DQX1: variants seen among roughly 807,000 people sequenced by gnomAD.
The protein encoded by DQX1 is DEAQ-box RNA dependent ATPase 1, also known as ATP-dependent RNA helicase homolog DQX1.
DQX1 carries 66 observed loss-of-function variants against 81.3 expected under a neutral mutation model. The observed-to-expected ratio is 0.81, with a 90% CI of 0.67 to 1.00. DQX1 has a LOEUF of 1.00. Among genes scored for constraint, DQX1 ranks in the 50% least tolerant of loss-of-function variants. The pLI, the probability that DQX1 is intolerant of heterozygous loss-of-function variation, is 0.00. For missense variants in DQX1, 798 were observed against 867.9 expected, an observed-to-expected ratio of 0.92 and a Z score of 1.01; for synonymous variants, 290 against 350.0, an observed-to-expected ratio of 0.83 and a Z score of 1.91.
rs1675159113 is a variant in DQX1 at position 74,525,644 on chromosome 2, A to G, written c.86T>C (p.Leu29Pro). 1 of 1,551,668 alleles carries G rather than the reference A, an allele frequency of 6.4e-7. No individual in the cohort carries two copies. Among genetic ancestry groups the G allele is most frequent in the South Asian group, 1.2e-5 (1 of 84,074 alleles). Residue 29 changes from leucine (L) to proline (P), a missense_variant, in exon 2 of 12, where the codon CTT (leucine) becomes CCT (proline). Coordinates refer to ENST00000404568, the MANE Select transcript of DQX1 (RefSeq NM_133637.3). This position sits in a 1 kb window ranked among gnomAD's most constrained non-coding sequence, Gnocchi z 4.1. ...CTCATAGTAGCGGGAAGAGAAGGGA[A>G]GCCCATCAAAGGGGTTCACAGCCAG... ...SELAVNPFDG[L>P]PFSSRYYELL...
In DQX1 at chr2:74,525,452, C is replaced by G. The variant is rs1197686056; in HGVS notation, c.237+41G>C. 4 of 1,538,762 alleles carry G rather than the reference C, an allele frequency of 2.6e-6. No homozygotes were observed. Among genetic ancestry groups the G allele is most frequent in the Non-Finnish European group, 2.6e-6 (3 of 1,137,358 alleles). On this transcript the variant is annotated intron_variant, in intron 2 of 11. Coordinates refer to ENST00000404568, the MANE Select transcript of DQX1 (RefSeq NM_133637.3). This position sits in a 1 kb window ranked among gnomAD's most constrained non-coding sequence, Gnocchi z 4.1. The stretch of plus-strand genomic sequence containing the variant: ...TGTCCTCCCTTTGTCCTCCCTTTGT[C>G]CACTCCCAGAATCTGCCTGCCCCCA...
rs757271370 is a variant in DQX1, at chr2:74,519,127, G to T, written c.1910C>A (p.Ala637Asp). 4.3e-6 allele frequency: 7 copies of T among 1,613,286 alleles called. No individual in the cohort carries two copies. The highest frequency in any genetic ancestry group is 5.9e-6 in the Non-Finnish European group (7 of 1,179,664). Reference sequence around the variant, plus strand: ...GTAGAGCACCCATGGTGGGGGTCTGGCAGGAGCTCTGCGGCTTCGGTAGCA... The same window carrying T: ...GTAGAGCACCCATGGTGGGGGTCTGTCAGGAGCTCTGCGGCTTCGGTAGCA... ...YCCYRSRRAP[A>D]RPPPWVLYHN... Residue 637 changes from alanine (A) to aspartate (D), a missense_variant, in exon 11 of 12, where the codon GCC (alanine) becomes GAC (aspartate). Ala to Asp is a moderately radical substitution (Grantham distance 126, BLOSUM62 -2). Coordinates refer to ENST00000404568, the MANE Select transcript of DQX1 (RefSeq NM_133637.3).
At chr2:74,521,656 AAAAAAAAGAAAAAG>A (rs1340318214) in intron 8 of DQX1, among the ~76,000 whole-genome samples, 7 of 151,178 alleles carry the variant, frequency 4.6e-5, no homozygotes, top group African/African-American at 1.7e-4. Context: ...TCTGAAAAAA[AAAAAAAAGAAAAAG>A]AAAAAAAGAA....
rs1393331537 is a variant in DQX1, at chr2:74,525,015, A to AGGGTGTTG, written c.417_424dup (p.Leu142ProfsTer31). Reference sequence around the variant, plus strand: ...GGCCTGCAGAGGCCCCCACCTGAGCAGGGTGTTGGGCCCCGTGCAGTCCTC... The same window carrying AGGGTGTTG: ...GGCCTGCAGAGGCCCCCACCTGAGCAGGGTGTTGGGGTGTTGGGCCCCGTGCAGTCCTC... On this transcript the variant is annotated frameshift_variant, in exon 3 of 12. Transcript: ENST00000404568. LOFTEE classifies it high-confidence loss of function. This position sits in a 1 kb window ranked among gnomAD's most constrained non-coding sequence, Gnocchi z 4.1. 1.9e-6 allele frequency: 3 copies of AGGGTGTTG among 1,613,246 alleles called. No individual in the cohort carries two copies.
chr2:74,523,519 C>T lies in DQX1; in HGVS notation c.835G>A (p.Glu279Lys). 1 of 1,613,130 alleles carries T rather than the reference C, an allele frequency of 6.2e-7. No individual in the cohort carries two copies. Among genetic ancestry groups the T allele is most frequent in the Non-Finnish European group, 8.5e-7 (1 of 1,179,518 alleles). The change falls in exon 5 of 12, where the codon GAA (glutamate) becomes AAA (lysine). Residue 279 changes from glutamate to lysine, a missense_variant. By Grantham distance (56) the Glu-to-Lys change is moderately conservative. Coordinates refer to ENST00000404568, the MANE Select transcript of DQX1 (RefSeq NM_133637.3). ...GACTCTACCTCCCTGGACAAGGATT[C>T]ACAGCACAGGGAAATTTCCTGAGAA... ...PSEEEISLCC[E>K]SLSREVESLL...
At position 74,523,248 on chromosome 2, in the gene DQX1, ACAGAT is replaced by A. The variant is rs1349228278; in HGVS notation, c.1045-35_1045-31del. The A allele has an allele frequency of 1.9e-6, 3 of 1,614,066 alleles. No individual in the cohort carries two copies. The East Asian group carries it at 6.7e-5, about 36-fold the overall frequency. ...TGCCCGTCCCCCAACCAAGGCCAAG[ACAGAT>A]CAGAGTGGGCCATTTCTGTCTTTAC... On this transcript the variant is annotated intron_variant, in intron 5 of 11. Transcript: ENST00000404568.
intron 5 of DQX1, 38 bp from the exon 6 acceptor site, chr2:74,523,256 G>C (rs1675082855): frequency 6.2e-7 from 1 of 1,614,068 alleles, no homozygotes. Flanking sequence ...AGACAGATCA[G>C]AGTGGGCCAT....
Position 74,518,404 on chromosome 2 carries a change from A to T in DQX1, c.*42T>A. Reference sequence around the variant, plus strand: ...TGGTGTCACCCTGAGGGATAATCTAATGTGATGAGATGAACCCAGCTCCAT... The same window carrying T: ...TGGTGTCACCCTGAGGGATAATCTATTGTGATGAGATGAACCCAGCTCCAT... On this transcript the variant is annotated 3_prime_UTR_variant, in exon 12 of 12. Coordinates refer to ENST00000404568, the MANE Select transcript of DQX1 (RefSeq NM_133637.3). The T allele has an allele frequency of 3.7e-6, 6 of 1,607,106 alleles. No individual in the cohort carries two copies. Among genetic ancestry groups the T allele is most frequent in the Non-Finnish European group, 4.3e-6 (5 of 1,175,226 alleles).
At position 74,519,590 on chromosome 2, in the gene DQX1, A is replaced by G. The variant is rs1218921110; in HGVS notation, c.1772T>C (p.Leu591Pro). 1 of 1,614,176 alleles carries G rather than the reference A, an allele frequency of 6.2e-7. No individual in the cohort carries two copies. Among genetic ancestry groups the G allele is most frequent in the Non-Finnish European group, 8.5e-7 (1 of 1,180,042 alleles). ...GTATCCTGACACCAGTGCTTTCTGA[A>G]GGTCTCTGCGATTCTGCTCAGAGCC... is the stretch of plus-strand genomic sequence containing the variant. ...AFGSEQNRRD[L>P]QKALVSGYFL... Residue 591 changes from leucine to proline, a missense_variant, in exon 10 of 12, where the codon CTT becomes CCT. Coordinates refer to ENST00000404568, the MANE Select transcript of DQX1 (RefSeq NM_133637.3).
chr2:74,519,951 T>C lies in DQX1; in HGVS notation c.1579A>G (p.Ser527Gly). The change falls in exon 9 of 12, where the codon AGT becomes GGT. Residue 527 changes from serine (S) to glycine (G), a missense_variant. By Grantham distance (56) the Ser-to-Gly change is moderately conservative (BLOSUM62 0). Transcript: ENST00000404568. Reference protein sequence around the residue: ...RALEHTDGDHSSLIQVYEAFI... With the variant: ...RALEHTDGDHGSLIQVYEAFI... Reference sequence around the variant, plus strand: ...GCTTCATACACCTGGATCAGAGAACTGTGGTCACCATCCGTGTGTTCCAGG... The same window carrying C: ...GCTTCATACACCTGGATCAGAGAACCGTGGTCACCATCCGTGTGTTCCAGG... 1 of 1,614,234 alleles carries C rather than the reference T, an allele frequency of 6.2e-7. No individual in the cohort carries two copies. Among genetic ancestry groups the C allele is most frequent in the African/African-American group, 1.3e-5 (1 of 75,078 alleles).
chr2:74,522,624 A>G lies in DQX1; in HGVS notation c.1451T>C (p.Phe484Ser), dbSNP rs1675057431. The change falls in exon 8 of 12, where the codon TTT becomes TCT. Residue 484 changes from phenylalanine to serine, a missense_variant. Physicochemically the swap from Phe to Ser is radical, Grantham distance 155 (BLOSUM62 -2). Coordinates refer to ENST00000404568, the MANE Select transcript of DQX1 (RefSeq NM_133637.3). ...GGTGAGCATCTCGTCCACACAGTCA[A>G]ACTCGCATGAGGCCAGCAGGGCTTT... ...LAKALLASCE[F>S]DCVDEMLTLA... 4 of 1,614,064 alleles carry G rather than the reference A, an allele frequency of 2.5e-6. No homozygotes were observed. The highest frequency in any genetic ancestry group is 2.7e-5 in the African/African-American group (2 of 74,926).
intron 11 of DQX1, 48 bp from the exon 12 acceptor site, chr2:74,518,650 G>C (rs1572982868): frequency 6.3e-7 from 1 of 1,579,430 alleles, no homozygotes; most frequent in South Asian, 1.1e-5. Context: ...CTCTCTCTCT[G>C]TCTCTCTCTT....
intron 8 of DQX1, among the ~76,000 whole-genome samples, chr2:74,521,102 C>T (rs1236166147): frequency 6.6e-6 from 1 of 152,136 alleles, no homozygotes; most frequent in Non-Finnish European, 1.5e-5. Context: ...CTACCGTATT[C>T]ACTGGAAGTG....
intron 6 of DQX1, 33 bp downstream of exon 6, chr2:74,523,086 G>A (rs1240001674): frequency 2.5e-6 from 4 of 1,614,108 alleles, no homozygotes; most frequent in Non-Finnish European, 3.4e-6. Flanking sequence ...TGACTCTTGG[G>A]TTTTTTATTT....
chr2:74,518,644 C>A, intron 11 of DQX1, 42 bp from the exon 12 acceptor site: 1 of 1,585,804 alleles, frequency 6.3e-7, no homozygotes, highest in East Asian at 2.2e-5. Context: ...CATCTTCTCT[C>A]TCTCTGTCTC....
At chr2:74,522,046 G>C (rs761685837) in intron 8 of DQX1, among the ~76,000 whole-genome samples, 1 of 152,180 alleles carries the variant, frequency 6.6e-6, no homozygotes, top group Non-Finnish European at 1.5e-5. Flanking sequence ...AAAGATAAAG[G>C]GGATGACCAG....
At position 74,522,629 on chromosome 2, in the gene DQX1, G is replaced by A. The variant is rs774170195; in HGVS notation, c.1446C>T (p.Cys482=). ...PELAKALLAS[C]EFDCVDEMLT... ...GCATCTCGTCCACACAGTCAAACTC[G>A]CATGAGGCCAGCAGGGCTTTGGCCA... The change falls in exon 8 of 12, where the codon TGC becomes TGT. Residue 482 remains cysteine, a synonymous_variant. Transcript: ENST00000404568. 2.2e-5 allele frequency: 35 copies of A among 1,614,088 alleles called. No individual in the cohort carries two copies. Among genetic ancestry groups the A allele is most frequent in the African/African-American group, 2.7e-5 (2 of 74,934 alleles).
In DQX1 at chr2:74,522,767, T is replaced by C; in HGVS notation, c.1308A>G (p.Pro436=). 6.2e-7 allele frequency: 1 copy of C among 1,614,122 alleles called. No individual in the cohort carries two copies. Among genetic ancestry groups the C allele is most frequent in the South Asian group, 1.1e-5 (1 of 91,076 alleles). Residue 436 remains proline, a synonymous_variant, in exon 8 of 12, where the codon CCA becomes CCG. Transcript: ENST00000404568. ...CTTCCAGGGCTTGCATCAGTGCTTC[T>C]GGAGCTGGTGAGGAAACAGGGCTTA... is the stretch of plus-strand genomic sequence containing the variant. ...GECHFLDQPA[P]EALMQALEDL...
intron 3 of DQX1, 147 bp from the exon 4 acceptor site, chr2:74,524,454 C>A (rs1675120159): frequency 2.6e-6 from 3 of 1,170,718 alleles, no homozygotes; most frequent in East Asian, 2.5e-5. Context: ...GGACCCATAA[C>A]TGTCACCCCA....
Sources: gnomAD v4.1 joint callset for allele counts (sites outside exome capture counted in the v4.1 genomes callset) on GRCh38, gnomAD v4.1.1 for gene constraint, Gnocchi (gnomAD v3.1) non-coding constraint, MANE v1.5 for transcripts, NCBI Gene and HGNC (gene_info 2026-07-23, HGNC 2026-07-21) for gene names.